Variants in EYS observed in about 807,000 individuals in gnomAD.
The protein encoded by EYS is protein eyes shut homolog.
EYS carries 250 observed loss-of-function variants against 282.1 expected under a neutral mutation model. The observed-to-expected ratio is 0.89, with a 90% CI of 0.80 to 0.98. The LOEUF is 0.98. EYS is among the 50% of genes least tolerant of loss of function. The pLI is 0.00. For synonymous variants in EYS, 1,355 were observed against 1,282.9 expected, an observed-to-expected ratio of 1.06 and a Z score of -1.20; for missense variants, 4,016 against 3,709.0, an observed-to-expected ratio of 1.08 and a Z score of -2.15.
chr6:64,459,217 CCTT>C (rs1412723579), intron 26 of EYS, among the ~76,000 whole-genome samples: 1 of 152,184 alleles, frequency 6.6e-6, no homozygotes, highest in Admixed American at 6.5e-5. Flanking sequence ...TTTTCCTTTT[CCTT>C]CTTCTGTTGT....
At chr6:63,810,590 G>A (rs770446532) in intron 36 of EYS, among the ~76,000 whole-genome samples, 11 of 152,112 alleles carry the variant, frequency 7.2e-5, no homozygotes, top group Non-Finnish European at 1.3e-4. Context: ...GTAAACTTGG[G>A]TAAGTTATTT....
Position 65,630,358 on chromosome 6 carries a change from G to T in EYS, c.-333+9420C>A, listed in dbSNP as rs55768857. Among the ~76,000 whole-genome samples, 1,273 of 152,248 alleles carry T rather than the reference G, an allele frequency of 8.4e-3. 11 individuals carry two copies. The highest frequency in any genetic ancestry group is 0.013 in the Non-Finnish European group (883 of 68,018). ...TTGCTTGGGACTTTGTGTTCCCCCC[G>T]CCTGGGGAAACAGGAGAAACAGGAG... On this transcript the variant is annotated intron_variant, in intron 2 of 42. Coordinates refer to ENST00000503581, the MANE Select transcript of EYS (RefSeq NM_001142800.2).
chr6:65,642,304 A>G (rs1006848756), intron 1 of EYS, among the ~76,000 whole-genome samples: 6 of 152,114 alleles, frequency 3.9e-5, no homozygotes, highest in African/African-American at 1.4e-4. Flanking sequence ...AGCATTACAC[A>G]TAATTAACTG....
intron 37 of EYS, among the ~76,000 whole-genome samples, chr6:63,794,207 A>C (rs1488915895): frequency 1.3e-5 from 2 of 152,202 alleles, no homozygotes; most frequent in Non-Finnish European, 1.5e-5. Flanking sequence ...AACCTAGCAC[A>C]TAGTAGGTAC....
chr6:65,252,100 G>T, intron 12 of EYS, among the ~76,000 whole-genome samples: 1 of 151,798 alleles, frequency 6.6e-6, no homozygotes, highest in South Asian at 2.1e-4. Context: ...TGCATCAGAT[G>T]GGGATGCAGT....
chr6:64,007,780 C>T (rs1282596394), intron 33 of EYS, among the ~76,000 whole-genome samples: 1 of 152,078 alleles, frequency 6.6e-6, no homozygotes, highest in Admixed American at 6.5e-5. Context: ...GTTTAATTTC[C>T]ATGTGATTGT....
chr6:64,147,898 G>A (rs1405071446), intron 31 of EYS, among the ~76,000 whole-genome samples: 1 of 152,164 alleles, frequency 6.6e-6, no homozygotes, highest in African/African-American at 2.4e-5. Context: ...TTGCATGTAT[G>A]AAAAATAAAC....
chr6:63,791,880 G>C (rs1303799771), intron 37 of EYS, among the ~76,000 whole-genome samples: 1 of 152,124 alleles, frequency 6.6e-6, no homozygotes, highest in African/African-American at 2.4e-5. Flanking sequence ...AAGAGGAAAT[G>C]ATACTGAAAT....
intron 1 of EYS, among the ~76,000 whole-genome samples, chr6:65,700,114 CAAAAAAA>C (rs1178482636): frequency 7.7e-5 from 4 of 51,790 alleles, no homozygotes; most frequent in African/African-American, 1.9e-4. Flanking sequence ...GACTCCGTCT[CAAAAAAA>C]AAAAAAAAAA....
At chr6:64,218,131 A>T (rs1765990235) in intron 31 of EYS, among the ~76,000 whole-genome samples, 2 of 152,158 alleles carry the variant, frequency 1.3e-5, no homozygotes, top group Admixed American at 1.3e-4. Flanking sequence ...CTCTAGCAGC[A>T]TGAGGCCCTG....
At chr6:63,978,244 A>C (rs1258637185) in intron 35 of EYS, among the ~76,000 whole-genome samples, 1 of 151,988 alleles carries the variant, frequency 6.6e-6, no homozygotes, top group East Asian at 1.9e-4. Context: ...TTATGCTTCT[A>C]AGTTCTTACC....
At position 64,659,125 on chromosome 6, in the gene EYS, C is replaced by T. The variant is rs547976246; in HGVS notation, c.3444-32880G>A. On this transcript the variant is annotated intron_variant, in intron 22 of 42. Coordinates refer to ENST00000503581, the MANE Select transcript of EYS (RefSeq NM_001142800.2). Reference sequence around the variant, plus strand: ...TACATGGAAACTGAACAACCTGCTCCTGAATGACTACTGGGTACATAACAA... The same window carrying T: ...TACATGGAAACTGAACAACCTGCTCTTGAATGACTACTGGGTACATAACAA... Among the ~76,000 whole-genome samples, 319 of 151,978 alleles carry T rather than the reference C, an allele frequency of 2.1e-3. 3 individuals are homozygous for T. The highest frequency in any genetic ancestry group is 0.019 in the Admixed American group (290 of 15,250).
chr6:65,698,226 T>C (rs1270943636), intron 1 of EYS, among the ~76,000 whole-genome samples: 3 of 152,186 alleles, frequency 2.0e-5, no homozygotes, highest in Non-Finnish European at 4.4e-5. Flanking sequence ...CGTACATAGA[T>C]GACTTGCATT....
intron 29 of EYS, among the ~76,000 whole-genome samples, chr6:64,337,511 C>T (rs2150394386): frequency 6.6e-6 from 1 of 151,960 alleles, no homozygotes; most frequent in Admixed American, 6.6e-5. Flanking sequence ...AAAAAAATTC[C>T]AGGACAAGAT....
chr6:64,460,109 C>A (rs1313505453), intron 26 of EYS, among the ~76,000 whole-genome samples: 1 of 152,024 alleles, frequency 6.6e-6, no homozygotes, highest in African/African-American at 2.4e-5. Flanking sequence ...CAACAGATCC[C>A]ATTTTCTAAT....
chr6:65,617,773 A>G (rs562803798), intron 2 of EYS, among the ~76,000 whole-genome samples: 235 of 144,232 alleles, frequency 1.6e-3, no homozygotes, highest in African/African-American at 5.7e-3. Flanking sequence ...TCATTGTTCA[A>G]TTTCCACCAA....
At chr6:64,622,275 T>C (rs571990370) in intron 23 of EYS, among the ~76,000 whole-genome samples, 1 of 152,230 alleles carries the variant, frequency 6.6e-6, no homozygotes, top group African/African-American at 2.4e-5. Flanking sequence ...GCTTTATGCT[T>C]ACCATGGCCC....
chr6:65,113,563 TC>T (rs1182469514), intron 12 of EYS, among the ~76,000 whole-genome samples: 1 of 152,086 alleles, frequency 6.6e-6, no homozygotes, highest in East Asian at 1.9e-4. Flanking sequence ...CTAGCTGTAT[TC>T]AATACAGAAT....
At chr6:65,543,222 T>C (rs1392381307) in intron 2 of EYS, among the ~76,000 whole-genome samples, 8 of 142,514 alleles carry the variant, frequency 5.6e-5, no homozygotes, top group African/African-American at 1.9e-4. Context: ...TTTCACCATG[T>C]TGGCCAGGCT....
Sources: gnomAD v4.1 joint callset for allele counts (sites outside exome capture counted in the v4.1 genomes callset) on GRCh38, gnomAD v4.1.1 for gene constraint, MANE v1.5 for transcripts, NCBI Gene and HGNC (gene_info 2026-07-23, HGNC 2026-07-21) for gene names.